The following ZNF536 variants were observed in gnomAD, a reference collection of about 807,000 sequenced individuals.
The protein encoded by ZNF536 is zinc finger protein 536.
In ZNF536, 13 loss-of-function variants were observed where a neutral mutation model predicts 84.5. The observed-to-expected ratio is 0.15, with a 90% CI of 0.10 to 0.24. ZNF536 has a LOEUF of 0.24. Ranked by LOEUF, ZNF536 falls within the 10% of genes least tolerant of loss-of-function variation. ZNF536 has a pLI of 1.00. For synonymous variants in ZNF536, 811 were observed against 742.5 expected, an observed-to-expected ratio of 1.09 and a Z score of -1.50; for missense variants, 1,536 against 1,747.5, an observed-to-expected ratio of 0.88 and a Z score of 2.16.
At chr19:30,280,566 A>T (rs1287266439) in intron 1 of ZNF536, among the ~76,000 whole-genome samples, 1 of 152,068 alleles carries the variant, frequency 6.6e-6, no homozygotes, top group Non-Finnish European at 1.5e-5. Flanking sequence ...ATATCCTCCA[A>T]ATTGTCATGG....
At chr19:30,595,454 T>C (rs73539163) in intron 1 of ZNF536, among the ~76,000 whole-genome samples, 2,205 of 152,120 alleles carry the variant, frequency 0.014, 66 homozygotes, top group African/African-American at 0.05. Flanking sequence ...TGCCTGGCTA[T>C]TTTTTAATTT....
In ZNF536 at chr19:30,557,138, T is replaced by C. The variant is rs370568461; in HGVS notation, c.3896-19T>C. On this transcript the variant is annotated intron_variant, in intron 4 of 4. Coordinates refer to ENST00000355537, the MANE Select transcript of ZNF536 (RefSeq NM_014717.3). ...GATGGTTTCTGGATTATTTAATAAA[T>C]CTGCACATTTTCTTGCAGGTAAGTG... The C allele has an allele frequency of 2.5e-6, 4 of 1,613,656 alleles. No homozygotes were observed. The highest frequency in any genetic ancestry group is 1.3e-5 in the African/African-American group (1 of 74,926).
At chr19:30,513,357 C>T (rs1001860536) in intron 2 of ZNF536, among the ~76,000 whole-genome samples, 1 of 152,078 alleles carries the variant, frequency 6.6e-6, no homozygotes, top group Non-Finnish European at 1.5e-5. Context: ...CTTAGGAGTC[C>T]TACATCCCAG....
rs1174561700 is a variant in ZNF536, at chr19:30,680,409, C to T, written c.170-30348C>T. On this transcript the variant is annotated intron_variant, in intron 1 of 1. Transcript: ENST00000592773. ...TAAAGCTATCCCTCCCCCCTCCCCC[C>T]ACCCCACAACAGTCCCCAGAATGTG... Among the ~76,000 whole-genome samples, 12 of 113,296 alleles carry T rather than the reference C, an allele frequency of 1.1e-4. No homozygotes were observed. The Admixed American group carries it at 1.1e-3, about 10-fold the overall frequency. 74.3% of individuals were successfully genotyped at this position (113,296 alleles called of 152,430 possible).
At chr19:30,513,118 G>A (rs1010990831) in intron 2 of ZNF536, among the ~76,000 whole-genome samples, 1 of 151,974 alleles carries the variant, frequency 6.6e-6, no homozygotes, top group African/African-American at 2.4e-5. Flanking sequence ...TTAGAATAAT[G>A]GAAAGCATTT....
At chr19:30,360,437 G>T (rs1302944698) in intron 3 of ZNF536, among the ~76,000 whole-genome samples, 1 of 152,186 alleles carries the variant, frequency 6.6e-6, no homozygotes, top group Non-Finnish European at 1.5e-5. Flanking sequence ...TTATGAAATC[G>T]GGCCTTGTCT....
At chr19:30,366,339 T>G (rs955732600) in intron 3 of ZNF536, among the ~76,000 whole-genome samples, 4 of 152,124 alleles carry the variant, frequency 2.6e-5, no homozygotes, top group Non-Finnish European at 5.9e-5. Context: ...TCTGTCTATC[T>G]GTCTATTATC....
At chr19:30,327,263 C>T (rs1164098428) in intron 2 of ZNF536, among the ~76,000 whole-genome samples, 2 of 152,176 alleles carry the variant, frequency 1.3e-5, no homozygotes, top group African/African-American at 4.8e-5. Context: ...TTTCCTCGGG[C>T]TTGGGGTTCA....
At chr19:30,357,014 G>T (rs772418943) in intron 3 of ZNF536, among the ~76,000 whole-genome samples, 1 of 152,238 alleles carries the variant, frequency 6.6e-6, no homozygotes, top group Non-Finnish European at 1.5e-5. Context: ...CACAATGTTG[G>T]ACAAGACAGA....
At chr19:30,430,488 G>C (rs796413208) in intron 1 of ZNF536, among the ~76,000 whole-genome samples, 4 of 152,302 alleles carry the variant, frequency 2.6e-5, no homozygotes, top group African/African-American at 9.6e-5. Context: ...ACTGTTCGGG[G>C]TGAGGCCAAG....
chr19:30,431,060 C>G (rs2051436471), intron 1 of ZNF536, among the ~76,000 whole-genome samples: 1 of 152,210 alleles, frequency 6.6e-6, no homozygotes, highest in South Asian at 2.1e-4. Context: ...CTTTACTCCC[C>G]CTTCTTTCCT....
At chr19:30,641,315 G>GCTTA (rs1252085706) in intron 1 of ZNF536, among the ~76,000 whole-genome samples, 2 of 152,068 alleles carry the variant, frequency 1.3e-5, no homozygotes, top group East Asian at 3.9e-4. Context: ...CCCAGACATT[G>GCTTA]CTTACTGCAT....
intron 1 of ZNF536, among the ~76,000 whole-genome samples, chr19:30,384,210 C>CCTTCCTT (rs1568378415): frequency 2.7e-5 from 1 of 36,966 alleles, no homozygotes; most frequent in Non-Finnish European, 4.2e-5. Context: ...CTTCCATCCT[C>CCTTCCTT]CCTCCCTCCC....
intron 1 of ZNF536, among the ~76,000 whole-genome samples, chr19:30,271,286 GTTTTTTTCTTTTCTTTTTTT>G (rs2025823448): frequency 1.1e-4 from 9 of 83,830 alleles, no homozygotes. Context: ...CTTTCCCTGT[GTTTTTTTCTTTTCTTTTTTT>G]TTTTTTTTTT....
chr19:30,636,225 A>G (rs1173029906), intron 1 of ZNF536, among the ~76,000 whole-genome samples: 1 of 152,130 alleles, frequency 6.6e-6, no homozygotes, highest in East Asian at 1.9e-4. Context: ...CATTTTAATG[A>G]TGAGGGAAAT....
At chr19:30,467,242 A>G (rs190949936) in intron 2 of ZNF536, among the ~76,000 whole-genome samples, 1 of 152,230 alleles carries the variant, frequency 6.6e-6, no homozygotes, top group East Asian at 1.9e-4. Flanking sequence ...GGCAAAACTG[A>G]CACTCTGTAC....
intron 2 of ZNF536, among the ~76,000 whole-genome samples, chr19:30,351,847 C>T (rs567683504): frequency 2.0e-5 from 3 of 152,296 alleles, no homozygotes; most frequent in South Asian, 2.1e-4. Context: ...AAAAAGTGCT[C>T]GCACATGGAC....
intron 1 of ZNF536, among the ~76,000 whole-genome samples, chr19:30,230,693 C>G (rs1289984498): frequency 2.0e-5 from 3 of 152,140 alleles, no homozygotes; most frequent in African/African-American, 7.2e-5. Context: ...CCCACTGAAC[C>G]CCAAAGAGCT....
At chr19:30,345,043 C>A (rs1259235437) in intron 2 of ZNF536, among the ~76,000 whole-genome samples, 1 of 152,234 alleles carries the variant, frequency 6.6e-6, no homozygotes, top group African/African-American at 2.4e-5. Flanking sequence ...CAGCTACTAA[C>A]TCGGTACCAG....
Sources: allele counts gnomAD v4.1 joint callset (sites outside exome capture counted in the v4.1 genomes callset), GRCh38; gene constraint gnomAD v4.1.1; transcripts MANE v1.5; gene names NCBI Gene and HGNC (gene_info 2026-07-23, HGNC 2026-07-21).